ZNRF1: variants seen among roughly 807,000 people sequenced by gnomAD.
ZNRF1 encodes the protein E3 ubiquitin-protein ligase ZNRF1.
In ZNRF1, 3 loss-of-function variants were observed where a neutral mutation model predicts 18.4. That is an observed-to-expected ratio of 0.16 (90% CI 0.07 to 0.42). The LOEUF (loss-of-function observed/expected upper bound fraction) is 0.42, where lower values mean the gene tolerates loss of function less well. Ranked by LOEUF, ZNRF1 falls within the 10% of genes least tolerant of loss-of-function variation. The pLI is 0.99. For missense variants in ZNRF1, 310 were observed against 329.8 expected (o/e 0.94, Z 0.47); for synonymous variants, 157 against 144.2 (o/e 1.09, Z -0.64).
At chr16:75,098,829 G>C (rs1368999662) in intron 2 of ZNRF1, among the ~76,000 whole-genome samples, 1 of 152,214 alleles carries the variant, frequency 6.6e-6, no homozygotes, top group East Asian at 1.9e-4. Flanking sequence ...TTCCCTCCCA[G>C]CCAGGTGCAG....
rs72800338 is a variant in ZNRF1, at chr16:75,040,359, A to G, written c.424+40264A>G. On this transcript the variant is annotated intron_variant, in intron 1 of 4. Coordinates refer to ENST00000335325, the MANE Select transcript of ZNRF1 (RefSeq NM_032268.5). ...AGCCTCAAACTCTTGGGCTCAAGCAATCCTCTCACTTTGTCCTCCCAAAGT... is the reference window on the plus strand; with the variant it reads ...AGCCTCAAACTCTTGGGCTCAAGCAGTCCTCTCACTTTGTCCTCCCAAAGT... 2.1e-3 allele frequency among the ~76,000 whole-genome samples: 316 copies of G among 152,092 alleles called. 2 individuals are homozygous for G. Among genetic ancestry groups the G allele is most frequent in the African/African-American group, 2.7e-3 (113 of 41,512 alleles).
intron 2 of ZNRF1, among the ~76,000 whole-genome samples, chr16:75,103,047 C>T (rs976051363): frequency 6.6e-6 from 1 of 152,202 alleles, no homozygotes; most frequent in Non-Finnish European, 1.5e-5. Context: ...TTTCCCCATA[C>T]CCTCAGCCCT....
rs542141362 is a variant in ZNRF1 at position 75,024,379 on chromosome 16, G to A, written c.424+24284G>A. Among the ~76,000 whole-genome samples, 378 of 152,296 alleles carry A rather than the reference G, an allele frequency of 2.5e-3. 2 individuals are homozygous for A. Among genetic ancestry groups the A allele is most frequent in the African/African-American group, 8.8e-3 (366 of 41,566 alleles). On this transcript the variant is annotated intron_variant, in intron 1 of 4. Transcript: ENST00000335325. ...AGAACGTTTTTTTAAAAAGTCTATTGTGAGTGTTTATTACCTATGATACGG... is the reference window on the plus strand; with the variant it reads ...AGAACGTTTTTTTAAAAAGTCTATTATGAGTGTTTATTACCTATGATACGG...
chr16:75,084,799 A>G (rs1473475147), intron 1 of ZNRF1, among the ~76,000 whole-genome samples: 1 of 152,142 alleles, frequency 6.6e-6, no homozygotes, highest in African/African-American at 2.4e-5. Context: ...GCTGTATCCA[A>G]ATTAGCACAC....
intron 1 of ZNRF1, among the ~76,000 whole-genome samples, chr16:75,091,107 C>T (rs889842495): frequency 6.6e-6 from 1 of 151,976 alleles, no homozygotes; most frequent in African/African-American, 2.4e-5. Context: ...GCCTGTAATC[C>T]CAGCACTTTG....
intron 4 of ZNRF1, 35 bp downstream of exon 4, chr16:75,106,606 G>T (rs2036319280): frequency 6.3e-7 from 1 of 1,596,530 alleles, no homozygotes; most frequent in Non-Finnish European, 8.6e-7. Context: ...CGGGCTCAAG[G>T]CTTGGGGTCA....
intron 1 of ZNRF1, among the ~76,000 whole-genome samples, chr16:75,068,609 G>C (rs1285348696): frequency 6.6e-6 from 1 of 152,058 alleles, no homozygotes; most frequent in Non-Finnish European, 1.5e-5. Flanking sequence ...CTATATAGCA[G>C]GACCTTTGGA....
rs1304801433 is a variant in ZNRF1 at position 75,014,511 on chromosome 16, CTA to C, written c.424+14418_424+14419del. Among the ~76,000 whole-genome samples, 9 of 152,256 alleles carry C rather than the reference CTA, an allele frequency of 5.9e-5. 1 individual carries two copies. The highest frequency in any genetic ancestry group is 2.2e-4 in the African/African-American group (9 of 41,538). On this transcript the variant is annotated intron_variant, in intron 1 of 4. Coordinates refer to ENST00000335325, the MANE Select transcript of ZNRF1 (RefSeq NM_032268.5). ...GCACATTTATTTTCACAGCTATACTCTATTGATCTATTTATTGATCTATTGAT... is the reference window on the plus strand; with the variant it reads ...GCACATTTATTTTCACAGCTATACTCTTGATCTATTTATTGATCTATTGAT...
chr16:75,096,061 C>CTGTGTGT (rs2036195611), intron 2 of ZNRF1, among the ~76,000 whole-genome samples: 1 of 139,644 alleles, frequency 7.2e-6, no homozygotes, highest in Non-Finnish European at 1.6e-5. Context: ...TATGTGTGCA[C>CTGTGTGT]GTGTGTGTGT....
chr16:75,012,760 C>G (rs1028350673), intron 1 of ZNRF1, among the ~76,000 whole-genome samples: 3 of 152,178 alleles, frequency 2.0e-5, no homozygotes, highest in Non-Finnish European at 4.4e-5. Flanking sequence ...GAACCACTAT[C>G]TTACATAAGC....
At chr16:75,045,102 C>T (rs868323421) in intron 1 of ZNRF1, among the ~76,000 whole-genome samples, 10 of 152,142 alleles carry the variant, frequency 6.6e-5, no homozygotes, top group Non-Finnish European at 1.0e-4. Context: ...GGTGCTTGTC[C>T]GGCTGCCTCA....
At chr16:75,066,579 C>T (rs1012297380) in intron 1 of ZNRF1, among the ~76,000 whole-genome samples, 19 of 152,076 alleles carry the variant, frequency 1.2e-4, no homozygotes, top group Admixed American at 3.3e-4. Flanking sequence ...GTCAGGTTAC[C>T]GCAACCTCCA....
At chr16:75,044,398 T>A (rs965368206) in intron 1 of ZNRF1, among the ~76,000 whole-genome samples, 1 of 152,126 alleles carries the variant, frequency 6.6e-6, no homozygotes, top group Non-Finnish European at 1.5e-5. Flanking sequence ...AGCTAATTTT[T>A]GTATTTTTAG....
At chr16:75,004,267 C>T (rs544547602) in intron 1 of ZNRF1, among the ~76,000 whole-genome samples, 1 of 152,240 alleles carries the variant, frequency 6.6e-6, no homozygotes, top group African/African-American at 2.4e-5. Context: ...ATAAGGGCTG[C>T]TTTATAGAAG....
intron 1 of ZNRF1, among the ~76,000 whole-genome samples, chr16:75,002,624 A>G (rs1028224237): frequency 2.6e-5 from 4 of 152,194 alleles, no homozygotes; most frequent in African/African-American, 9.7e-5. Context: ...CCCTGGTCCC[A>G]GCTACTCCTC....
intron 1 of ZNRF1, among the ~76,000 whole-genome samples, chr16:75,008,710 T>A (rs1258299475): frequency 6.6e-6 from 1 of 152,236 alleles, no homozygotes; most frequent in East Asian, 1.9e-4. Context: ...AGCAATTAAC[T>A]TATTCTTTCC....
At chr16:75,068,815 A>C (rs2035834709) in intron 1 of ZNRF1, among the ~76,000 whole-genome samples, 1 of 152,018 alleles carries the variant, frequency 6.6e-6, no homozygotes, top group Non-Finnish European at 1.5e-5. Context: ...CCTGGTAGCC[A>C]AGGCCCGAGA....
intron 1 of ZNRF1, among the ~76,000 whole-genome samples, chr16:75,044,162 A>G (rs2035485245): frequency 6.6e-6 from 1 of 151,200 alleles, no homozygotes; most frequent in South Asian, 2.1e-4. Flanking sequence ...TAAACTTTGG[A>G]ATTTCTTAGA....
chr16:75,031,413 C>T (rs533017866), intron 1 of ZNRF1, among the ~76,000 whole-genome samples: 2 of 152,258 alleles, frequency 1.3e-5, no homozygotes, highest in South Asian at 2.1e-4. Flanking sequence ...TACAGGGGAG[C>T]CACCGTGCCC....
Sources: gnomAD v4.1 joint callset for allele counts (sites outside exome capture counted in the v4.1 genomes callset) on GRCh38, gnomAD v4.1.1 for gene constraint, MANE v1.5 for transcripts, NCBI Gene and HGNC (gene_info 2026-07-23, HGNC 2026-07-21) for gene names.